The following LRP2 variants were observed in gnomAD, a reference collection of about 807,000 sequenced individuals.
The protein encoded by LRP2 is low-density lipoprotein receptor-related protein 2.
Under a neutral mutation model 531.0 loss-of-function variants are expected in LRP2, and 172 were observed. The observed-to-expected ratio is 0.32, with a 90% CI of 0.29 to 0.37. LRP2 has a LOEUF of 0.37. LRP2 is among the 10% of genes least tolerant of loss of function. The pLI, the probability that LRP2 is intolerant of heterozygous loss-of-function variation, is 1.00. For missense variants in LRP2, 5,167 were observed against 5,868.3 expected (o/e 0.88, Z 3.90); for synonymous variants, 1,992 against 2,027.6 (o/e 0.98, Z 0.47).
intron 33 of LRP2, among the ~76,000 whole-genome samples, chr2:169,223,180 C>A (rs879694445): frequency 1.3e-5 from 2 of 152,192 alleles, no homozygotes; most frequent in Admixed American, 1.3e-4. Context: ...GACTCCAAAT[C>A]AAAATATCTT....
Position 169,261,897 on chromosome 2 carries a change from T to C in LRP2, c.2321-2680A>G, listed in dbSNP as rs1243523813. Among the ~76,000 whole-genome samples, 43 of 151,588 alleles carry C rather than the reference T, an allele frequency of 2.8e-4. 1 individual carries two copies. The highest frequency in any genetic ancestry group is 2.8e-3 in the Admixed American group (43 of 15,210). ...AGCACATCAAAAAGCTTATCCACCA[T>C]GATCAAGTGGGCTTCATCCCTGGGA... On this transcript the variant is annotated intron_variant, in intron 16 of 78. Coordinates refer to ENST00000649046, the MANE Select transcript of LRP2 (RefSeq NM_004525.3).
At chr2:169,299,155 GAAAAAAA>G (rs1559064061) in intron 4 of LRP2, among the ~76,000 whole-genome samples, 1 of 23,448 alleles carries the variant, frequency 4.3e-5, no homozygotes, top group Non-Finnish European at 1.2e-4. Context: ...AAGAAAGAAA[GAAAAAAA>G]GAAAGAAAGA....
intron 63 of LRP2, among the ~76,000 whole-genome samples, chr2:169,160,364 C>T (rs6730825): frequency 0.49 from 75,037 of 151,732 alleles, 19,066 homozygotes; most frequent in Admixed American, 0.61. Context: ...TATATAAGTA[C>T]ATCAAAATGT....
At chr2:169,356,217 C>T (rs1271429491) in intron 1 of LRP2, among the ~76,000 whole-genome samples, 2 of 152,162 alleles carry the variant, frequency 1.3e-5, no homozygotes, top group Non-Finnish European at 2.9e-5. Flanking sequence ...CAATAACCTT[C>T]CTTTTTTGCC....
chr2:169,179,598 T>A (rs1687349932), intron 52 of LRP2, among the ~76,000 whole-genome samples: 1 of 151,926 alleles, frequency 6.6e-6, no homozygotes, highest in African/African-American at 2.4e-5. Flanking sequence ...TGCACGCCTG[T>A]AATACCAGCT....
At position 169,279,322 on chromosome 2, in the gene LRP2, G is replaced by A. The variant is rs751491613; in HGVS notation, c.1565+50C>T. ...AGTAGATGTTCAGTGTATAGAGGGAGAGAGAAAATTCTAAAAATACAGGAA... is the reference window on the plus strand; with the variant it reads ...AGTAGATGTTCAGTGTATAGAGGGAAAGAGAAAATTCTAAAAATACAGGAA... On this transcript the variant is annotated intron_variant, in intron 12 of 78. Transcript: ENST00000649046. The A allele has an allele frequency of 3.0e-6, 4 of 1,349,806 alleles. No individual in the cohort carries two copies. The South Asian group carries it at 4.7e-5, about 16-fold the overall frequency. 83.6% of individuals were successfully genotyped at this position (1,349,806 alleles called of 1,614,324 possible). A position where few individuals can be genotyped will look rare whatever the true frequency, so the allele number is the denominator to read the frequency against.
At chr2:169,195,945 C>T (rs539837804) in intron 46 of LRP2, among the ~76,000 whole-genome samples, 6 of 151,996 alleles carry the variant, frequency 3.9e-5, no homozygotes, top group South Asian at 4.2e-4. Context: ...GTTTTAAATA[C>T]GATGTTAATA....
intron 63 of LRP2, among the ~76,000 whole-genome samples, chr2:169,159,380 T>C (rs1296254910): frequency 6.6e-6 from 1 of 152,134 alleles, no homozygotes; most frequent in Non-Finnish European, 1.5e-5. Context: ...GTGGTCTGAG[T>C]ACATTAAGAA....
chr2:169,338,826 C>T (rs1272418563), intron 1 of LRP2, among the ~76,000 whole-genome samples: 2 of 152,154 alleles, frequency 1.3e-5, no homozygotes, highest in Non-Finnish European at 2.9e-5. Flanking sequence ...AGTAACTGTC[C>T]AGGGTGAAGT....
At chr2:169,309,042 T>C (rs1028386559) in intron 3 of LRP2, among the ~76,000 whole-genome samples, 1 of 152,242 alleles carries the variant, frequency 6.6e-6, no homozygotes, top group African/African-American at 2.4e-5. Flanking sequence ...TGTCTGTTCA[T>C]GTCCTTTGCC....
At position 169,273,127 on chromosome 2, in the gene LRP2, T is replaced by C. The variant is rs552041962; in HGVS notation, c.1976-60A>G. ...TAGAAATGTGTAATTATCCAAGACA[T>C]GAAGCCACTTCTAGCCCTTTTCACC... On this transcript the variant is annotated intron_variant, in intron 14 of 78. Coordinates refer to ENST00000649046, the MANE Select transcript of LRP2 (RefSeq NM_004525.3). 60 of 1,588,232 alleles carry C rather than the reference T, an allele frequency of 3.8e-5. No individual in the cohort carries two copies. In the African/African-American group the frequency reaches 6.4e-4, roughly 17 times the overall value.
At chr2:169,325,676 A>ATTCAT (rs1232851242) in intron 1 of LRP2, among the ~76,000 whole-genome samples, 2 of 152,252 alleles carry the variant, frequency 1.3e-5, no homozygotes, top group African/African-American at 4.8e-5. Flanking sequence ...ATAGTCAAGG[A>ATTCAT]TTCAGTTAAT....
chr2:169,305,369 T>C (rs905945417), intron 4 of LRP2, among the ~76,000 whole-genome samples: 2 of 152,188 alleles, frequency 1.3e-5, no homozygotes, highest in South Asian at 4.1e-4. Context: ...CCATAATCAA[T>C]GTATGTTAGC....
Position 169,170,350 on chromosome 2 carries a change from C to A in LRP2, c.11380+201G>T, listed in dbSNP as rs141134863. Among the ~76,000 whole-genome samples the A allele has an allele frequency of 2.0e-4, 31 of 152,230 alleles. No homozygotes were observed. The East Asian group carries it at 5.2e-3, about 26-fold the overall frequency. ...GTTTAAAATTCCTTGCTATTTTCCT[C>A]AATTATGACTAATCTAGACTGCTAT... is the stretch of plus-strand genomic sequence containing the variant. On this transcript the variant is annotated intron_variant, in intron 59 of 78. Transcript: ENST00000649046.
At chr2:169,360,497 T>C (rs1686120544) in intron 1 of LRP2, among the ~76,000 whole-genome samples, 1 of 152,190 alleles carries the variant, frequency 6.6e-6, no homozygotes, top group African/African-American at 2.4e-5. Flanking sequence ...TAGGTATTGG[T>C]TATTTAGTGA....
intron 62 of LRP2, among the ~76,000 whole-genome samples, chr2:169,164,538 G>C (rs1393170158): frequency 6.6e-6 from 1 of 152,228 alleles, no homozygotes; most frequent in Non-Finnish European, 1.5e-5. Flanking sequence ...ATGAGCAAGA[G>C]GATGTCTGTC....
chr2:169,313,651 G>A (rs751142744), intron 3 of LRP2, among the ~76,000 whole-genome samples: 3 of 152,118 alleles, frequency 2.0e-5, no homozygotes, highest in East Asian at 3.9e-4. Flanking sequence ...TAGGCTACTC[G>A]GGGGTCAGGG....
At chr2:169,273,184 G>A (rs1029421315) in intron 14 of LRP2, 117 bp from the exon 15 acceptor site, 18 of 1,202,286 alleles carry the variant, frequency 1.5e-5, no homozygotes, top group African/African-American at 1.2e-4. Flanking sequence ...GATTAGCAAC[G>A]TGTTGAAAAC....
intron 3 of LRP2, among the ~76,000 whole-genome samples, chr2:169,309,852 A>G (rs954006264): frequency 2.0e-5 from 3 of 152,248 alleles, no homozygotes; most frequent in African/African-American, 7.2e-5. Context: ...CTTCCTATCC[A>G]TAAGCATAGA....
Sources: allele counts gnomAD v4.1 joint callset (sites outside exome capture counted in the v4.1 genomes callset), GRCh38; gene constraint gnomAD v4.1.1; transcripts MANE v1.5; gene names NCBI Gene and HGNC (gene_info 2026-07-23, HGNC 2026-07-21).